Variants in STARD13 observed in about 807,000 individuals in gnomAD.
STARD13 encodes the protein stAR-related lipid transfer protein 13.
A neutral mutation model predicts 106.4 loss-of-function variants in STARD13; 62 were observed. That is an observed-to-expected ratio of 0.58 (90% CI 0.48 to 0.72). The LOEUF is 0.72. Ranked by LOEUF, STARD13 falls within the 30% of genes least tolerant of loss-of-function variation. The pLI, the probability that STARD13 is intolerant of heterozygous loss-of-function variation, is 0.00. For synonymous variants in STARD13, 565 were observed against 553.0 expected (o/e 1.02, Z -0.31); for missense variants, 1,387 against 1,424.0 (o/e 0.97, Z 0.42).
chr13:33,473,388 T>G, the STARD13 span, among the ~76,000 whole-genome samples: 4 of 152,252 alleles, frequency 2.6e-5, no homozygotes, highest in Non-Finnish European at 4.4e-5. Context: ...AAATCACATT[T>G]GAAGCCATAT....
chr13:33,420,045 C>A, the STARD13 span, among the ~76,000 whole-genome samples: 1 of 152,166 alleles, frequency 6.6e-6, no homozygotes, highest in African/African-American at 2.4e-5. Flanking sequence ...GAAACTGCAA[C>A]AATTTACAGG....
rs547990030 is a variant in STARD13, at chr13:33,309,694, T to G, written c.124+40596A>C. Among the ~76,000 whole-genome samples, 7 of 152,318 alleles carry G rather than the reference T, an allele frequency of 4.6e-5. No individual in the cohort carries two copies. The South Asian group carries it at 1.4e-3, about 32-fold the overall frequency. The stretch of plus-strand genomic sequence containing the variant: ...GATTTCCTAGTCCCACTCAGGACAT[T>G]TGCCACAGTTTTGTAGAATTTGCAA... On this transcript the variant is annotated intron_variant, in intron 1 of 5. Coordinates refer to the STARD13 transcript ENST00000567873.
At chr13:33,169,452 A>C (rs1194586852) in intron 1 of STARD13, among the ~76,000 whole-genome samples, 1 of 152,174 alleles carries the variant, frequency 6.6e-6, no homozygotes, top group East Asian at 1.9e-4. Context: ...GTCATGGATA[A>C]AGTGCTGCCT....
At chr13:33,357,342 C>T in the STARD13 span, among the ~76,000 whole-genome samples, 1 of 152,210 alleles carries the variant, frequency 6.6e-6, no homozygotes, top group Non-Finnish European at 1.5e-5. Context: ...TTTGGCATCT[C>T]TAAAGACAGG....
At chr13:33,402,822 T>C in the STARD13 span, among the ~76,000 whole-genome samples, 1 of 152,170 alleles carries the variant, frequency 6.6e-6, no homozygotes, top group Non-Finnish European at 1.5e-5. Context: ...ATGGCCAAAC[T>C]CCAGGGGAAG....
At chr13:33,299,080 C>T (rs1196721039) in intron 1 of STARD13, among the ~76,000 whole-genome samples, 1 of 152,180 alleles carries the variant, frequency 6.6e-6, no homozygotes, top group Non-Finnish European at 1.5e-5. Flanking sequence ...TACATAAATG[C>T]TTACCATTGT....
the STARD13 span, among the ~76,000 whole-genome samples, chr13:33,441,506 A>C: frequency 3.9e-5 from 6 of 152,170 alleles, no homozygotes; most frequent in Non-Finnish European, 5.9e-5. Flanking sequence ...TCATTTCCTC[A>C]TCAGTAAAAT....
the STARD13 span, among the ~76,000 whole-genome samples, chr13:33,534,907 C>T: frequency 6.6e-6 from 1 of 152,050 alleles, no homozygotes; most frequent in Admixed American, 6.5e-5. Flanking sequence ...ATGTTATGTC[C>T]AAATTCTGGA....
the STARD13 span, chr13:33,661,397 G>C: frequency 6.6e-6 from 1 of 152,220 alleles, no homozygotes; most frequent in Non-Finnish European, 1.5e-5. Context: ...AAGAAGGCAC[G>C]TCCAGATCTG....
chr13:33,351,808 A>G (rs2078081754), upstream of STARD13, among the ~76,000 whole-genome samples: 5 of 152,212 alleles, frequency 3.3e-5, no homozygotes, highest in Admixed American at 3.3e-4. Context: ...TTGAAAATTA[A>G]AAGTATTCAG....
At chr13:33,176,243 A>C (rs998799492) in intron 1 of STARD13, among the ~76,000 whole-genome samples, 10 of 152,216 alleles carry the variant, frequency 6.6e-5, no homozygotes, top group African/African-American at 2.4e-4. Flanking sequence ...GTATACATGA[A>C]AACTTGATAT....
At chr13:33,273,870 A>C (rs1891281583) in intron 1 of STARD13, 1 of 152,236 alleles carries the variant, frequency 6.6e-6, no homozygotes, top group African/African-American at 2.4e-5. Context: ...GAAAAATCAC[A>C]AGAATTTGAG....
At chr13:33,559,595 C>T in the STARD13 span, among the ~76,000 whole-genome samples, 22 of 151,620 alleles carry the variant, frequency 1.5e-4, no homozygotes, top group East Asian at 4.1e-3. Flanking sequence ...GTGGCTCACA[C>T]CTGTACTCCT....
chr13:33,452,187 G>A, the STARD13 span, among the ~76,000 whole-genome samples: 1 of 152,144 alleles, frequency 6.6e-6, no homozygotes, highest in East Asian at 1.9e-4. Flanking sequence ...AGGGGCACGA[G>A]GTCTGCTGGA....
chr13:33,453,682 G>A, the STARD13 span, among the ~76,000 whole-genome samples: 1 of 152,098 alleles, frequency 6.6e-6, no homozygotes, highest in Non-Finnish European at 1.5e-5. Flanking sequence ...CCAAAACATA[G>A]TTTAACAACA....
chr13:33,637,139 T>A, the STARD13 span, among the ~76,000 whole-genome samples: 1 of 152,302 alleles, frequency 6.6e-6, no homozygotes, highest in Admixed American at 6.5e-5. Flanking sequence ...GTAGGTACTG[T>A]CATCATCTGG....
chr13:33,662,687 G>A, the STARD13 span, among the ~76,000 whole-genome samples: 3 of 152,256 alleles, frequency 2.0e-5, no homozygotes, highest in Non-Finnish European at 1.5e-5. Flanking sequence ...GTGGGAGCAG[G>A]GAGTATACCA....
the STARD13 span, among the ~76,000 whole-genome samples, chr13:33,503,234 T>C: frequency 6.6e-6 from 1 of 152,212 alleles, no homozygotes; most frequent in Non-Finnish European, 1.5e-5. Context: ...GATATCCCCT[T>C]TATCATTTTT....
intron 1 of STARD13, among the ~76,000 whole-genome samples, chr13:33,195,405 C>G (rs1176312692): frequency 6.6e-6 from 1 of 152,094 alleles, no homozygotes; most frequent in Non-Finnish European, 1.5e-5. Context: ...CATCAAAGTC[C>G]CCGGGGACCA....
Sources: allele counts gnomAD v4.1 joint callset (sites outside exome capture counted in the v4.1 genomes callset), GRCh38; gene constraint gnomAD v4.1.1; transcripts MANE v1.5; gene names NCBI Gene and HGNC (gene_info 2026-07-23, HGNC 2026-07-21).